Variants in PTPRC observed in about 807,000 individuals in gnomAD.
PTPRC encodes the protein receptor-type tyrosine-protein phosphatase C.
PTPRC carries 44 observed loss-of-function variants against 155.9 expected under a neutral mutation model. The ratio of observed to expected loss-of-function variants is 0.28; its 90% CI spans 0.22 to 0.36. The LOEUF (loss-of-function observed/expected upper bound fraction) is 0.36. Among genes scored for constraint, PTPRC ranks in the 10% least tolerant of loss-of-function variants. The pLI, the probability that PTPRC is intolerant of heterozygous loss-of-function variation, is 1.00. For missense variants in PTPRC, 1,401 were observed against 1,564.6 expected (o/e 0.90, Z 1.76); for synonymous variants, 525 against 533.1 (o/e 0.98, Z 0.21).
At chr1:198,702,610 T>G (rs1229036043) in intron 6 of PTPRC, 80 bp downstream of exon 6, 10 of 1,551,766 alleles carry the variant, frequency 6.4e-6, no homozygotes, top group Middle Eastern at 1.7e-4. Context: ...AGCTCTTTTA[T>G]TTTGTGCCAG....
intron 26 of PTPRC, among the ~76,000 whole-genome samples, chr1:198,746,596 G>A (rs532338207): frequency 1.3e-5 from 2 of 151,912 alleles, no homozygotes; most frequent in Admixed American, 6.6e-5. Flanking sequence ...AAGAGACTGG[G>A]TTGTATCTGA....
At chr1:198,685,967 C>T (rs1443751807) in intron 2 of PTPRC, among the ~76,000 whole-genome samples, 5 of 149,834 alleles carry the variant, frequency 3.3e-5, no homozygotes, top group Non-Finnish European at 7.4e-5. Context: ...TTTTTTTTAG[C>T]GGGGAGGGAG....
chr1:198,721,926 A>G (rs1174936651), intron 14 of PTPRC, among the ~76,000 whole-genome samples: 2 of 151,278 alleles, frequency 1.3e-5, no homozygotes, highest in Admixed American at 6.6e-5. Flanking sequence ...CTTCATTTGT[A>G]TTACATTTTA....
chr1:198,686,327 C>G (rs987656419), intron 2 of PTPRC, among the ~76,000 whole-genome samples: 4 of 151,892 alleles, frequency 2.6e-5, no homozygotes, highest in Non-Finnish European at 5.9e-5. Flanking sequence ...TATGGTGCCA[C>G]CTACTGAAAT....
In PTPRC at chr1:198,639,338, A is replaced by G; in HGVS notation, c.70A>G (p.Thr24Ala). The G allele has an allele frequency of 6.2e-7, 1 of 1,603,534 alleles. No homozygotes were observed. The highest frequency in any genetic ancestry group is 8.5e-7 in the Non-Finnish European group (1 of 1,170,614). The change falls in exon 2 of 33, where the codon ACA (threonine) becomes GCA (alanine). Residue 24 changes from threonine to alanine, a missense_variant. Around this residue, in one of 3 missense-constraint regions of PTPRC, gnomAD observed 867 missense variants for 970.4 expected, o/e 0.89. Transcript: ENST00000442510. Reference protein sequence around the residue: ...FAFLDTEVFVTGQSPTPSPTG... With the variant: ...FAFLDTEVFVAGQSPTPSPTG... The stretch of plus-strand genomic sequence containing the variant: ...CTTTCTGGACACAGAAGTATTTGTG[A>G]CAGGTAAGTACAAGGATATTAATAT...
chr1:198,713,173 A>T, intron 12 of PTPRC, 101 bp downstream of exon 12: 1 of 1,527,616 alleles, frequency 6.5e-7, no homozygotes, highest in Admixed American at 1.7e-5. Flanking sequence ...CTCTCTGCTT[A>T]GAGACTGCAT....
At chr1:198,704,550 A>G in intron 8 of PTPRC, 52 bp downstream of exon 8, 1 of 1,613,680 alleles carries the variant, frequency 6.2e-7, no homozygotes, top group South Asian at 1.1e-5. Context: ...TAGCACTTTA[A>G]TTACATCTTT....
At chr1:198,742,173 T>C in intron 24 of PTPRC, 59 bp from the exon 25 acceptor site, 2 of 1,610,664 alleles carry the variant, frequency 1.2e-6, no homozygotes, top group East Asian at 2.2e-5. Context: ...TTATATTGGC[T>C]TCACACCTGA....
At chr1:198,687,693 T>A (rs953746380) in intron 2 of PTPRC, among the ~76,000 whole-genome samples, 6 of 152,150 alleles carry the variant, frequency 3.9e-5, no homozygotes, top group Admixed American at 3.9e-4. Flanking sequence ...AGCGTGTTCC[T>A]ACTTTAAGAC....
At chr1:198,694,947 GATTT>G in intron 3 of PTPRC, 3 of 981,138 alleles carry the variant, frequency 3.1e-6, no homozygotes, top group Non-Finnish European at 3.6e-6. Flanking sequence ...AAGTTTGATG[GATTT>G]ATTTGTGAGT....
Position 198,749,458 on chromosome 1 carries a change from G to A in PTPRC, c.2981G>A (p.Ser994Asn), listed in dbSNP as rs1331421846. The A allele has an allele frequency of 3.1e-6, 5 of 1,609,840 alleles. No homozygotes were observed. Among genetic ancestry groups the A allele is most frequent in the South Asian group, 2.2e-5 (2 of 90,998 alleles). The change falls in exon 28 of 33, where the codon AGT becomes AAT. Residue 994 changes from serine (S) to asparagine (N), a missense_variant. Physicochemically the swap from Ser to Asn is conservative, Grantham distance 46 (BLOSUM62 1). This residue lies in a region of PTPRC where 400 missense variants were observed against 389.5 expected (regional missense o/e 1.03). Transcript: ENST00000442510. ...RVPLKHELEM[S>N]KESEHDSDES... is the part of the protein sequence containing the mutation. ...CCACTTAAACATGAGCTGGAAATGA[G>A]TAAAGAGAGTGAGCATGATTCAGAT... is the stretch of plus-strand genomic sequence containing the variant.
At chr1:198,672,786 T>G (rs1419360770) in intron 2 of PTPRC, among the ~76,000 whole-genome samples, 1 of 152,078 alleles carries the variant, frequency 6.6e-6, no homozygotes, top group East Asian at 1.9e-4. Flanking sequence ...CCAGCACCAT[T>G]TTAACTGTAT....
intron 2 of PTPRC, among the ~76,000 whole-genome samples, chr1:198,675,958 C>A (rs1192636506): frequency 2.0e-5 from 3 of 152,040 alleles, no homozygotes; most frequent in Non-Finnish European, 4.4e-5. Context: ...ACCTCAAGAT[C>A]GAAGCTCTGG....
At chr1:198,707,667 T>C (rs918889637) in intron 9 of PTPRC, among the ~76,000 whole-genome samples, 20 of 152,170 alleles carry the variant, frequency 1.3e-4, no homozygotes, top group African/African-American at 4.8e-4. Flanking sequence ...TAAATATTAC[T>C]GAGATAAATT....
intron 9 of PTPRC, 121 bp from the exon 10 acceptor site, chr1:198,708,012 G>A: frequency 1.1e-6 from 1 of 877,100 alleles, no homozygotes; most frequent in Non-Finnish European, 1.7e-6. Flanking sequence ...CTCAATCCTT[G>A]CCAAATTCTA....
chr1:198,742,177 C>T (rs1312493940), intron 24 of PTPRC, 55 bp from the exon 25 acceptor site: 9 of 1,610,788 alleles, frequency 5.6e-6, no homozygotes, highest in Non-Finnish European at 7.6e-6. Context: ...ATTGGCTTCA[C>T]ACCTGACAGC....
intron 15 of PTPRC, among the ~76,000 whole-genome samples, chr1:198,725,651 T>C (rs964983924): frequency 2.0e-5 from 3 of 152,174 alleles, no homozygotes; most frequent in Non-Finnish European, 4.4e-5. Flanking sequence ...TCTCACTGCT[T>C]TCATTTAATT....
intron 5 of PTPRC, among the ~76,000 whole-genome samples, chr1:198,701,466 C>T (rs1230062064): frequency 1.3e-5 from 2 of 152,246 alleles, no homozygotes; most frequent in African/African-American, 4.8e-5. Flanking sequence ...GAATAGAGGG[C>T]AGCTCATATT....
At chr1:198,717,348 T>C (rs1653642084) in intron 13 of PTPRC, among the ~76,000 whole-genome samples, 1 of 152,248 alleles carries the variant, frequency 6.6e-6, no homozygotes, top group African/African-American at 2.4e-5. Flanking sequence ...TTCCTTTCAA[T>C]GGCATTTGGC....
Sources: gnomAD v4.1 joint callset for allele counts (sites outside exome capture counted in the v4.1 genomes callset) on GRCh38, gnomAD v4.1.1 for gene constraint, gnomAD v4.1.1 regional missense constraint, MANE v1.5 for transcripts, NCBI Gene and HGNC (gene_info 2026-07-23, HGNC 2026-07-21) for gene names.